Variants in EBI3 observed in about 807,000 individuals in gnomAD.
The protein encoded by EBI3 is Epstein-Barr virus induced 3, also known as interleukin-27 subunit beta.
A neutral mutation model predicts 21.3 loss-of-function variants in EBI3; 19 were observed. That is an observed-to-expected ratio of 0.89 (90% confidence interval 0.62 to 1.31). EBI3 has a LOEUF of 1.31. Among genes scored for constraint, EBI3 ranks in the 50% most tolerant of loss-of-function variants. The pLI, the probability that EBI3 is intolerant of heterozygous loss-of-function variation, is 0.00. For synonymous variants in EBI3, 154 were observed against 131.2 expected (o/e 1.17, Z -1.19); for missense variants, 331 against 314.0 (o/e 1.05, Z -0.41).
At chr19:4,229,640 T>TG in intron 1 of EBI3, 23 bp downstream of exon 1, 1 of 1,588,734 alleles carries the variant, frequency 6.3e-7, no homozygotes. Flanking sequence ...CCTGGGGGAC[T>TG]GGGGGGCCCA....
chr19:4,232,968 G>A lies in EBI3; in HGVS notation c.201-161G>A, dbSNP rs1428752525. 1.5e-5 allele frequency: 11 copies of A among 739,248 alleles called. No homozygotes were observed. In the East Asian group the frequency reaches 2.3e-4, roughly 15 times the overall value. The allele number at this position is 739,248 out of a possible 1,614,324, so 45.8% of individuals were successfully genotyped here. On this transcript the variant is annotated intron_variant, in intron 2 of 4. Transcript: ENST00000221847. ...ATGTTGGGGCCCATGCCCTGCCCCC[G>A]GGGGGTGGCACGGCCACCACCAGGA...
intron 2 of EBI3, 132 bp downstream of exon 2, chr19:4,231,455 G>A (rs972702387): frequency 9.2e-6 from 12 of 1,299,148 alleles, no homozygotes; most frequent in Non-Finnish European, 1.2e-5. Flanking sequence ...TGGAATTCTA[G>A]GGCGGCCCCG....
rs554320990 is a variant in EBI3 at position 4,229,682 on chromosome 19, G to A, written c.67+65G>A. 2.6e-4 allele frequency: 396 copies of A among 1,500,536 alleles called. 5 individuals are homozygous for A. The South Asian group carries it at 4.4e-3, about 17-fold the overall frequency. The allele number at this position is 1,500,536 out of a possible 1,614,324, so 93.0% of individuals were successfully genotyped here. ...CGGACATGACACGAGGACTGGCCTC[G>A]GATCATGTCTGGGGTGGGAAATCAC... On this transcript the variant is annotated intron_variant, in intron 1 of 4. Transcript: ENST00000221847.
At chr19:4,232,958 C>A in intron 2 of EBI3, 171 bp from the exon 3 acceptor site, 1 of 675,552 alleles carries the variant, frequency 1.5e-6, no homozygotes, top group Non-Finnish European at 2.3e-6. Context: ...GGGGCCCATG[C>A]CCTGCCCCCG....
Position 4,233,319 on chromosome 19 carries a change from C to A in EBI3, c.379+12C>A. The A allele has an allele frequency of 1.9e-6, 1 of 532,334 alleles. No homozygotes were observed. Among genetic ancestry groups the A allele is most frequent in the African/African-American group, 2.0e-5 (1 of 49,736 alleles). The allele number at this position is 532,334 out of a possible 1,614,324, so 33.0% of individuals were successfully genotyped here. On this transcript the variant is annotated intron_variant, in intron 3 of 4. Coordinates refer to ENST00000221847, the MANE Select transcript of EBI3 (RefSeq NM_005755.3). ...AACAGAGCACATCAGTGAGTGGGGG[C>A]GGCAGTGGGGGCGGGGGCGGGGCTG...
intron 2 of EBI3, among the ~76,000 whole-genome samples, chr19:4,232,230 AAAAAAAAAAAAAAAAG>A (rs1336034078): frequency 7.4e-6 from 1 of 134,964 alleles, no homozygotes; most frequent in African/African-American, 3.1e-5. Context: ...CTCAAAAAAA[AAAAAAAAAAAAAAAAG>A]AAAAGAAAAG....
Position 4,235,473 on chromosome 19 carries a change from C to T in EBI3, c.537+649C>T, listed in dbSNP as rs144452005. ...TAGCTGGGACTACAGGCGCCCACCA[C>T]GCCCGGCTAATTTCTGTATTTTCAG... is the stretch of plus-strand genomic sequence containing the variant. On this transcript the variant is annotated intron_variant, in intron 4 of 4. Transcript: ENST00000221847. Among the ~76,000 whole-genome samples, 743 of 151,470 alleles carry T rather than the reference C, an allele frequency of 4.9e-3. 7 individuals are homozygous for T. Among genetic ancestry groups the T allele is most frequent in the African/African-American group, 0.016 (679 of 41,250 alleles).
At chr19:4,235,061 C>T (rs1017349260) in intron 4 of EBI3, among the ~76,000 whole-genome samples, 1 of 152,204 alleles carries the variant, frequency 6.6e-6, no homozygotes, top group Admixed American at 6.6e-5. Flanking sequence ...GAGTCTCGCT[C>T]TGTCGCCCAG....
At position 4,233,875 on chromosome 19, in the gene EBI3, T is replaced by G. The variant is rs572777047; in HGVS notation, c.379+568T>G. Reference sequence around the variant, plus strand: ...TTCGGGTCTCTGTGCATACATCACCTCCTCAGTAAGACCTCTCCTGAGTAG... The same window carrying G: ...TTCGGGTCTCTGTGCATACATCACCGCCTCAGTAAGACCTCTCCTGAGTAG... On this transcript the variant is annotated intron_variant, in intron 3 of 4. Coordinates refer to ENST00000221847, the MANE Select transcript of EBI3 (RefSeq NM_005755.3). 2.3e-4 allele frequency among the ~76,000 whole-genome samples: 35 copies of G among 152,296 alleles called. No individual in the cohort carries two copies. The South Asian group carries it at 7.0e-3, about 31-fold the overall frequency.
intron 2 of EBI3, 162 bp from the exon 3 acceptor site, chr19:4,232,967 C>T (rs1388078754): frequency 5.3e-6 from 4 of 758,408 alleles, no homozygotes; most frequent in Admixed American, 3.6e-5. Flanking sequence ...GCCCTGCCCC[C>T]GGGGGGTGGC....
Position 4,231,218 on chromosome 19 carries a change from G to A in EBI3, c.95G>A (p.Arg32Gln), listed in dbSNP as rs568076086. The A allele has an allele frequency of 1.4e-4, 222 of 1,605,942 alleles. 2 individuals carry two copies. In the Middle Eastern group the frequency reaches 9.2e-3, roughly 67 times the overall value. ...CCCCCAGCAGCTCTGACACTGCCCC[G>A]GGTGCAATGCCGAGCCTCTCGGTAC... ...KGPPAALTLP[R>Q]VQCRASRYPI... Residue 32 changes from arginine (R) to glutamine (Q), a missense_variant, in exon 2 of 5, where the codon CGG becomes CAG. Arg to Gln is a conservative substitution (Grantham distance 43). Coordinates refer to ENST00000221847, the MANE Select transcript of EBI3 (RefSeq NM_005755.3).
chr19:4,231,665 G>A (rs1020048166), intron 2 of EBI3, among the ~76,000 whole-genome samples: 3 of 149,970 alleles, frequency 2.0e-5, no homozygotes, highest in Non-Finnish European at 2.9e-5. Context: ...CAGCTACTCC[G>A]GAGGCTGAGG....
chr19:4,236,518 C>CAAAAAAAAAAAAAAAAAAAAAAA lies in EBI3; in HGVS notation c.538-415_538-393dup, dbSNP rs4009634. ...CCTGGGCAACAGAGTAAGACTGTCT[C>CAAAAAAAAAAAAAAAAAAAAAAA]AAAAAAAAAAAAAAAAAAAAAAAAA... On this transcript the variant is annotated intron_variant, in intron 4 of 4. Coordinates refer to ENST00000221847, the MANE Select transcript of EBI3 (RefSeq NM_005755.3). 4.6e-4 allele frequency among the ~76,000 whole-genome samples: 14 copies of CAAAAAAAAAAAAAAAAAAAAAAA among 30,508 alleles called. 4 individuals are homozygous for CAAAAAAAAAAAAAAAAAAAAAAA. The highest frequency in any genetic ancestry group is 5.6e-4 in the Non-Finnish European group (11 of 19,536). 20.0% of individuals were successfully genotyped at this position (30,508 alleles called of 152,430 possible). A position where few individuals can be genotyped will look rare whatever the true frequency, so the allele number is the denominator to read the frequency against.
intron 3 of EBI3, 91 bp downstream of exon 3, chr19:4,233,398 G>A (rs1355469365): frequency 4.2e-6 from 6 of 1,415,424 alleles, no homozygotes; most frequent in East Asian, 5.0e-5. Context: ...CCAGTCCTGC[G>A]GCTGCACCTT....
intron 3 of EBI3, among the ~76,000 whole-genome samples, chr19:4,233,575 G>T (rs1268063350): frequency 6.6e-6 from 1 of 151,880 alleles, no homozygotes; most frequent in Non-Finnish European, 1.5e-5. Context: ...GTCAGGGCAC[G>T]TCCCTCTGCC....
rs547593943 is a variant in EBI3 at position 4,236,063 on chromosome 19, A to C, written c.538-873A>C. On this transcript the variant is annotated intron_variant, in intron 4 of 4. Transcript: ENST00000221847. ...AGGTGAAACCCCATCTCTATTAAAA[A>C]TACAAAAATTGGCCTGGCGCGGTGG... Among the ~76,000 whole-genome samples the C allele has an allele frequency of 5.3e-5, 8 of 152,216 alleles. No individual in the cohort carries two copies. The South Asian group carries it at 1.2e-3, about 24-fold the overall frequency.
intron 3 of EBI3, among the ~76,000 whole-genome samples, chr19:4,233,644 C>T (rs915668702): frequency 1.3e-5 from 2 of 152,176 alleles, no homozygotes; most frequent in Middle Eastern, 3.2e-3. Flanking sequence ...TTCCTACTGC[C>T]CACCAAACCC....
chr19:4,232,256 GAA>G (rs1970791901), intron 2 of EBI3, among the ~76,000 whole-genome samples: 1 of 123,342 alleles, frequency 8.1e-6, no homozygotes, highest in Admixed American at 8.4e-5. Context: ...GAAAAGAAAA[GAA>G]AAGAAAAGAA....
Position 4,237,096 on chromosome 19 carries a change from T to C in EBI3, c.*8T>C. ...ATGAGCCTGGGCAAGTAGCAAGGGCTTCCCGCTGCCTCCAGACAGCACCTG... is the reference window on the plus strand; with the variant it reads ...ATGAGCCTGGGCAAGTAGCAAGGGCCTCCCGCTGCCTCCAGACAGCACCTG... On this transcript the variant is annotated 3_prime_UTR_variant, in exon 5 of 5. Transcript: ENST00000221847. 6.6e-7 allele frequency: 1 copy of C among 1,503,864 alleles called. No homozygotes were observed. Among genetic ancestry groups the C allele is most frequent in the Non-Finnish European group, 8.9e-7 (1 of 1,121,080 alleles). 93.2% of individuals were successfully genotyped at this position (1,503,864 alleles called of 1,614,324 possible). A position where few individuals can be genotyped will look rare whatever the true frequency, so the allele number is the denominator to read the frequency against.
Sources: allele counts gnomAD v4.1 joint callset (sites outside exome capture counted in the v4.1 genomes callset), GRCh38; gene constraint gnomAD v4.1.1; transcripts MANE v1.5; gene names NCBI Gene and HGNC (gene_info 2026-07-23, HGNC 2026-07-21).